Variants in ADGRD2 observed in about 807,000 individuals in gnomAD.
ADGRD2 encodes G protein-coupled receptor PGR24.
In ADGRD2, 71 loss-of-function variants were observed where a neutral mutation model predicts 44.4. The observed-to-expected ratio is 1.60, with a 90% CI of 1.32 to 1.95. The LOEUF is 1.95. Among genes scored for constraint, ADGRD2 ranks in the 30% most tolerant of loss-of-function variants. The probability of loss-of-function intolerance (pLI) is 0.00; values close to 1 mark genes in which losing one functional copy is unlikely to be tolerated. For missense variants in ADGRD2, 1,039 were observed against 512.4 expected (o/e 2.03, Z -9.92); for synonymous variants, 481 against 224.8 (o/e 2.14, Z -10.19).
chr9:124,457,386 G>A (rs941677319), intron 7 of ADGRD2, 86 bp from the exon 11 acceptor site: 2 of 483,274 alleles, frequency 4.1e-6, no homozygotes, highest in Non-Finnish European at 7.4e-6. Flanking sequence ...ATGGCAGGAA[G>A]GAGGGATCCA....
chr9:124,465,810 G>C (rs1247888706), intron 10 of ADGRD2: 3 of 152,822 alleles, frequency 2.0e-5, no homozygotes, highest in Non-Finnish European at 4.4e-5. Context: ...TACCCAGGGG[G>C]TAGTGAGCTC....
intron 16 of ADGRD2, among the ~76,000 whole-genome samples, chr9:124,469,779 G>A (rs1480148032): frequency 6.6e-6 from 1 of 152,252 alleles, no homozygotes; most frequent in Non-Finnish European, 1.5e-5. Flanking sequence ...GTCACATGTG[G>A]GGATGGTCAC....
At chr9:124,456,356 C>A (rs576411424) in intron 6 of ADGRD2, among the ~76,000 whole-genome samples, 55 of 152,332 alleles carry the variant, frequency 3.6e-4, no homozygotes, top group African/African-American at 1.3e-3. Flanking sequence ...CATGGCCCAG[C>A]CTTCGGAGTG....
chr9:124,451,942 G>C, upstream of ADGRD2: 1 of 644,574 alleles, frequency 1.6e-6, no homozygotes. Flanking sequence ...ATCACACTCT[G>C]AGTGGTGGGA....
exon 19 of ADGRD2, chr9:124,475,571 G>A (rs557640516): frequency 1.4e-5 from 10 of 714,656 alleles, no homozygotes; most frequent in South Asian, 1.0e-4. Context: ...ATTCCCCCAG[G>A]TGCGGAGCGC....
chr9:124,458,197 A>C, exon 9 of ADGRD2: 1 of 718,476 alleles, frequency 1.4e-6, no homozygotes, highest in Non-Finnish European at 2.6e-6. Flanking sequence ...CTAGAGCCCC[A>C]GGCCCCTGCC....
At chr9:124,459,623 G>A (rs1409136777) in intron 10 of ADGRD2, among the ~76,000 whole-genome samples, 1 of 152,034 alleles carries the variant, frequency 6.6e-6, no homozygotes, top group African/African-American at 2.4e-5. Context: ...AACATCTATA[G>A]ACTTTTATTT....
intron 20 of ADGRD2, 114 bp from the exon 24 acceptor site, chr9:124,476,565 G>A: frequency 3.1e-6 from 2 of 641,606 alleles, no homozygotes; most frequent in Non-Finnish European, 5.6e-6. Flanking sequence ...AAGGGCCCAG[G>A]GAGGGGGAGC....
chr9:124,464,672 T>A (rs1379986082), intron 10 of ADGRD2, among the ~76,000 whole-genome samples: 1 of 152,220 alleles, frequency 6.6e-6, no homozygotes, highest in Non-Finnish European at 1.5e-5. Context: ...CTTCACTGCT[T>A]AATGACATGT....
At chr9:124,455,499 A>G (rs1352726714) in intron 6 of ADGRD2, among the ~76,000 whole-genome samples, 1 of 152,082 alleles carries the variant, frequency 6.6e-6, no homozygotes, top group Non-Finnish European at 1.5e-5. Flanking sequence ...CTGATGCAGG[A>G]GAATCACTTA....
intron 11 of ADGRD2, 125 bp downstream of exon 14, chr9:124,466,538 G>T: frequency 1.8e-6 from 1 of 555,872 alleles, no homozygotes; most frequent in Non-Finnish European, 3.3e-6. Flanking sequence ...TCGGGGACAG[G>T]GCTGCATGCA....
chr9:124,468,239 G>A (rs1156974659), intron 13 of ADGRD2, 49 bp downstream of exon 16: 2 of 716,938 alleles, frequency 2.8e-6, no homozygotes, highest in Non-Finnish European at 5.2e-6. Flanking sequence ...CTGGGAAAGT[G>A]CCTGTGGGCT....
intron 10 of ADGRD2, among the ~76,000 whole-genome samples, chr9:124,463,104 C>T (rs942938509): frequency 2.0e-5 from 3 of 152,188 alleles, no homozygotes; most frequent in African/African-American, 7.2e-5. Context: ...GGCATCCAGA[C>T]TTTCACCACT....
chr9:124,454,140 C>G lies in ADGRD2; in HGVS notation c.1022+43C>G. The G allele has an allele frequency of 1.6e-6, 1 of 641,278 alleles. No homozygotes were observed. The highest frequency in any genetic ancestry group is 2.7e-5 in the Admixed American group (1 of 37,236). The allele number at this position is 641,278 out of a possible 1,614,324, so 39.7% of individuals were successfully genotyped here. ...CCCTGGGCTCTGCTGAAGGGAAAGC[C>G]GGTGTGGACCGGAGTAGACTGAGAG... On this transcript the variant is annotated intron_variant, in intron 4 of 21. Coordinates refer to ENST00000334810, the Ensembl canonical transcript of ADGRD2. This position sits in a 1 kb window ranked among gnomAD's most constrained non-coding sequence, Gnocchi z 4.5.
intron 10 of ADGRD2, among the ~76,000 whole-genome samples, chr9:124,460,114 A>T (rs970558447): frequency 6.7e-6 from 1 of 149,808 alleles, no homozygotes; most frequent in African/African-American, 2.5e-5. Flanking sequence ...ACACACACCA[A>T]CCACAGCTTA....
chr9:124,457,689 C>T, intron 8 of ADGRD2, 83 bp downstream of exon 11: 1 of 545,132 alleles, frequency 1.8e-6, no homozygotes, highest in East Asian at 2.8e-5. Context: ...CTGTGCTACT[C>T]ATCTTTCAGA....
chr9:124,468,812 C>T (rs1831883729), intron 14 of ADGRD2, 140 bp downstream of exon 17: 1 of 609,952 alleles, frequency 1.6e-6, no homozygotes, highest in Admixed American at 2.9e-5. Context: ...ACCCAGAACC[C>T]AGCACCACCC....
At chr9:124,469,436 A>G (rs1350228068) in exon 16 of ADGRD2, 3 of 718,060 alleles carry the variant, frequency 4.2e-6, no homozygotes, top group African/African-American at 1.7e-5. Flanking sequence ...CTCCAGGCCA[A>G]CACCTGCATC....
chr9:124,472,140 G>A (rs1003593466), intron 17 of ADGRD2, among the ~76,000 whole-genome samples: 2 of 143,434 alleles, frequency 1.4e-5, no homozygotes, highest in Non-Finnish European at 3.0e-5. Flanking sequence ...ATGGGGCAAT[G>A]CCACCGTCAG....
Sources: allele counts gnomAD v4.1 joint callset (sites outside exome capture counted in the v4.1 genomes callset), GRCh38; gene constraint gnomAD v4.1.1; non-coding constraint Gnocchi (gnomAD v3.1); transcripts MANE v1.5; gene names NCBI Gene and HGNC (gene_info 2026-07-23, HGNC 2026-07-21).